The following XPO1 variants were observed in gnomAD, a reference collection of about 807,000 sequenced individuals.
XPO1 encodes exportin 1.
XPO1 carries 5 observed loss-of-function variants against 133.3 expected under a neutral mutation model. The observed-to-expected ratio is 0.04, with a 90% CI of 0.02 to 0.08. The LOEUF is 0.08. Among genes scored for constraint, XPO1 ranks in the 10% least tolerant of loss-of-function variants. The pLI, the probability that XPO1 is intolerant of heterozygous loss-of-function variation, is 1.00. For synonymous variants in XPO1, 419 were observed against 408.2 expected, an observed-to-expected ratio of 1.03 and a Z score of -0.32; for missense variants, 506 against 1,267.5, an observed-to-expected ratio of 0.40 and a Z score of 9.12.
rs753413735 is a variant in XPO1 at position 61,488,788 on chromosome 2, CA to C, written c.2023-18del. 1.9e-6 allele frequency: 3 copies of C among 1,610,690 alleles called. No individual in the cohort carries two copies. In the African/African-American group the frequency reaches 4.0e-5, roughly 22 times the overall value. On this transcript the variant is annotated intron_variant, in intron 17 of 24. Transcript: ENST00000401558. ...ATCCACATTCTTGGAGGAAAAAAAG[CA>C]AATTCCATTTATCATATAAGAATTA...
rs76607520 is a variant in XPO1, at chr2:61,522,669, T to C, written c.243A>G (p.Gln81=). The part of the protein sequence containing the change: ...QNMNTKYYGL[Q]ILENVIKTRW... ...TTGTTTTTATCACATTTTCCAAAAT[T>C]TGTAGTCCATAGTACTGAAAATTGG... The change falls in exon 4 of 25, where the codon CAA becomes CAG. Residue 81 remains glutamine (Q), a synonymous_variant. Transcript: ENST00000401558. 101 of 1,613,594 alleles carry C rather than the reference T, an allele frequency of 6.3e-5. No homozygotes were observed. Among genetic ancestry groups the C allele is most frequent in the Non-Finnish European group, 8.1e-5 (95 of 1,179,608 alleles).
intron 22 of XPO1, 151 bp from the exon 23 acceptor site, chr2:61,482,690 C>G: frequency 1.2e-6 from 1 of 827,048 alleles, no homozygotes; most frequent in Non-Finnish European, 1.8e-6. Context: ...ACTGCAACCT[C>G]TGCCTCCTCG....
intron 1 of XPO1, chr2:61,534,463 A>C (rs1475955938): frequency 6.6e-6 from 1 of 152,270 alleles, no homozygotes; most frequent in African/African-American, 2.4e-5. Flanking sequence ...TGGGCGAATC[A>C]CTTGAGGTCA....
intron 4 of XPO1, among the ~76,000 whole-genome samples, chr2:61,505,747 T>A (rs1697775553): frequency 6.6e-6 from 1 of 152,042 alleles, no homozygotes; most frequent in South Asian, 2.1e-4. Flanking sequence ...TCACTAGAGA[T>A]GGGGTTTCAC....
At chr2:61,529,834 C>G (rs1054105145) in intron 2 of XPO1, among the ~76,000 whole-genome samples, 1 of 152,210 alleles carries the variant, frequency 6.6e-6, no homozygotes, top group Non-Finnish European at 1.5e-5. Flanking sequence ...TGGTTGTTCT[C>G]TACCCAGAAA....
intron 19 of XPO1, 78 bp from the exon 20 acceptor site, chr2:61,486,040 CTA>C (rs1332549517): frequency 5.3e-6 from 7 of 1,310,254 alleles, no homozygotes; most frequent in Non-Finnish European, 7.3e-6. Context: ...TTATTCCTGT[CTA>C]TGAGATGTAG....
chr2:61,526,324 A>G, intron 3 of XPO1, 96 bp downstream of exon 3: 2 of 1,469,602 alleles, frequency 1.4e-6, no homozygotes, highest in East Asian at 5.2e-5. Flanking sequence ...AAATAATTTG[A>G]GATAACAAAT....
At chr2:61,511,557 G>A (rs1400645680) in intron 4 of XPO1, among the ~76,000 whole-genome samples, 1 of 152,054 alleles carries the variant, frequency 6.6e-6, no homozygotes, top group African/African-American at 2.4e-5. Flanking sequence ...AACTACAGGG[G>A]CACTCGACCA....
chr2:61,488,868 GAGGCGGGC>G, intron 17 of XPO1, 97 bp from the exon 18 acceptor site: 1 of 1,306,552 alleles, frequency 7.7e-7, no homozygotes, highest in Non-Finnish European at 1.1e-6. Flanking sequence ...CTGAGAGGCC[GAGGCGGGC>G]GGATGATGAG....
chr2:61,495,011 T>G (rs763777148), intron 11 of XPO1, among the ~76,000 whole-genome samples: 11 of 151,750 alleles, frequency 7.2e-5, no homozygotes, highest in Admixed American at 1.3e-4. Context: ...ACAGCTAATT[T>G]TTTTGTATTT....
intron 2 of XPO1, among the ~76,000 whole-genome samples, chr2:61,528,941 T>C (rs1320569410): frequency 6.6e-6 from 1 of 152,068 alleles, no homozygotes; most frequent in Non-Finnish European, 1.5e-5. Flanking sequence ...CCTATTTCTA[T>C]TAAAAGTTGT....
chr2:61,528,445 C>G (rs1236100101), intron 2 of XPO1, among the ~76,000 whole-genome samples: 1 of 151,822 alleles, frequency 6.6e-6, no homozygotes, highest in Admixed American at 6.6e-5. Flanking sequence ...CCATCCTGAC[C>G]AATATGGCGA....
At chr2:61,512,024 C>T (rs1369963403) in intron 4 of XPO1, among the ~76,000 whole-genome samples, 1 of 152,156 alleles carries the variant, frequency 6.6e-6, no homozygotes. Context: ...CTGCCTAGGC[C>T]TCCCAAAGTG....
chr2:61,493,796 T>G (rs1697110212), intron 12 of XPO1, 98 bp downstream of exon 12: 1 of 1,325,868 alleles, frequency 7.5e-7, no homozygotes, highest in Non-Finnish European at 1.0e-6. Flanking sequence ...GGTTCTCTTT[T>G]TATAGCTAAT....
chr2:61,482,329 G>C (rs1696427492), intron 23 of XPO1, 51 bp downstream of exon 23: 2 of 1,509,014 alleles, frequency 1.3e-6, no homozygotes, highest in South Asian at 2.6e-5. Flanking sequence ...ACAGGTGTGA[G>C]CCACTGTGCC....
intron 4 of XPO1, among the ~76,000 whole-genome samples, chr2:61,520,666 C>G (rs1180286854): frequency 6.6e-6 from 1 of 151,996 alleles, no homozygotes; most frequent in African/African-American, 2.4e-5. Context: ...AAGAAAGAAA[C>G]AAAAATTTTT....
chr2:61,526,370 T>C (rs2104780581), intron 3 of XPO1, 50 bp downstream of exon 3: 1 of 1,577,226 alleles, frequency 6.3e-7, no homozygotes. Flanking sequence ...CCTCAAAGTT[T>C]ATGACTGGAA....
chr2:61,486,057 A>G, intron 19 of XPO1, 95 bp from the exon 20 acceptor site: 1 of 1,155,442 alleles, frequency 8.7e-7, no homozygotes, highest in Non-Finnish European at 1.2e-6. Flanking sequence ...ATGTAGCATG[A>G]TCATCTACTG....
At chr2:61,481,341 G>A (rs1696341747) in intron 23 of XPO1, 60 bp from the exon 24 acceptor site, 17 of 1,293,426 alleles carry the variant, frequency 1.3e-5, no homozygotes, top group Non-Finnish European at 1.7e-5. Flanking sequence ...ACAGAGTATT[G>A]CTCTGTCACC....
Sources: allele counts gnomAD v4.1 joint callset (sites outside exome capture counted in the v4.1 genomes callset), GRCh38; gene constraint gnomAD v4.1.1; transcripts MANE v1.5; gene names NCBI Gene and HGNC (gene_info 2026-07-23, HGNC 2026-07-21).